The following MYO1E variants were observed in gnomAD, a reference collection of about 807,000 sequenced individuals.
MYO1E encodes myosin IE.
MYO1E carries 68 observed loss-of-function variants against 151.1 expected under a neutral mutation model. That is an observed-to-expected ratio of 0.45 (90% CI 0.37 to 0.55). The LOEUF is 0.55. MYO1E is among the 20% of genes least tolerant of loss of function. MYO1E has a pLI of 0.00. For synonymous variants in MYO1E, 601 were observed against 501.7 expected (o/e 1.20, Z -2.64); for missense variants, 1,363 against 1,389.3 (o/e 0.98, Z 0.30).
At chr15:59,292,646 G>A (rs1433659485) in intron 1 of MYO1E, among the ~76,000 whole-genome samples, 1 of 152,198 alleles carries the variant, frequency 6.6e-6, no homozygotes. Context: ...ATGCTTTCCA[G>A]AGCAGAGTTA....
intron 21 of MYO1E, among the ~76,000 whole-genome samples, 160 bp from the exon 22 acceptor site, chr15:59,172,202 C>T (rs556778180): frequency 6.6e-6 from 1 of 152,230 alleles, no homozygotes; most frequent in East Asian, 1.9e-4. Flanking sequence ...ACTGAAAATA[C>T]AAAAATTAGC....
chr15:59,306,403 A>G (rs568230449), intron 1 of MYO1E, among the ~76,000 whole-genome samples: 1 of 152,348 alleles, frequency 6.6e-6, no homozygotes, highest in Admixed American at 6.5e-5. Context: ...TGAAAGCATA[A>G]AAGATACTGA....
rs2080954453 is a variant in MYO1E at position 59,372,581 on chromosome 15, T to G, written c.-81A>C. The G allele has an allele frequency of 6.6e-7, 1 of 1,508,794 alleles. No individual in the cohort carries two copies. Among genetic ancestry groups the G allele is most frequent in the Non-Finnish European group, 8.9e-7 (1 of 1,125,060 alleles). 93.5% of individuals were successfully genotyped at this position (1,508,794 alleles called of 1,614,324 possible). A position where few individuals can be genotyped will look rare whatever the true frequency, so the allele number is the denominator to read the frequency against. ...CTGGAACGCAGTCTTCTGGGCGAACTTCAAAAGTTGGTTCCCCTCGCCAAA... is the reference window on the plus strand; with the variant it reads ...CTGGAACGCAGTCTTCTGGGCGAACGTCAAAAGTTGGTTCCCCTCGCCAAA... On this transcript the variant is annotated 5_prime_UTR_variant, in exon 1 of 28. Transcript: ENST00000288235.
chr15:59,306,917 G>A (rs1017818464), intron 1 of MYO1E, among the ~76,000 whole-genome samples: 11 of 152,170 alleles, frequency 7.2e-5, no homozygotes, highest in Non-Finnish European at 1.6e-4. Context: ...TCCCTGTTAT[G>A]AGCAGCGTTG....
intron 1 of MYO1E, among the ~76,000 whole-genome samples, chr15:59,317,069 T>C (rs1167872811): frequency 6.6e-6 from 1 of 152,210 alleles, no homozygotes; most frequent in African/African-American, 2.4e-5. Flanking sequence ...CACCTGATGT[T>C]TGTATATGCC....
chr15:59,278,497 A>C (rs1485021501), intron 1 of MYO1E, among the ~76,000 whole-genome samples: 1 of 151,350 alleles, frequency 6.6e-6, no homozygotes, highest in African/African-American at 2.5e-5. Context: ...CTTCCACTGC[A>C]AATGATGAAA....
At chr15:59,365,828 GC>G (rs1253919837) in intron 1 of MYO1E, among the ~76,000 whole-genome samples, 2 of 152,170 alleles carry the variant, frequency 1.3e-5, no homozygotes, top group South Asian at 2.1e-4. Context: ...CTTTAGTGGG[GC>G]TAATTGTTCC....
chr15:59,187,127 A>G (rs1371060575), intron 18 of MYO1E, among the ~76,000 whole-genome samples: 1 of 152,340 alleles, frequency 6.6e-6, no homozygotes, highest in Non-Finnish European at 1.5e-5. Flanking sequence ...CTGTGGCACA[A>G]TTATCAAGAA....
At chr15:59,203,691 G>C (rs75711599) in intron 15 of MYO1E, among the ~76,000 whole-genome samples, 3 of 152,132 alleles carry the variant, frequency 2.0e-5, no homozygotes, top group African/African-American at 7.2e-5. Context: ...ACTTTCATTA[G>C]TGGTGCTATT....
intron 23 of MYO1E, 103 bp from the exon 24 acceptor site, chr15:59,161,333 A>AC: frequency 7.6e-7 from 1 of 1,321,926 alleles, no homozygotes; most frequent in Non-Finnish European, 1.0e-6. Flanking sequence ...CATAAACATG[A>AC]GGCGAGAACG....
intron 1 of MYO1E, among the ~76,000 whole-genome samples, chr15:59,362,446 G>T (rs2080891043): frequency 6.6e-6 from 1 of 152,168 alleles, no homozygotes; most frequent in South Asian, 2.1e-4. Context: ...CAGGGAAAAG[G>T]TCAGTAGCTT....
At chr15:59,338,571 G>C (rs1567018926) in intron 1 of MYO1E, among the ~76,000 whole-genome samples, 1 of 152,180 alleles carries the variant, frequency 6.6e-6, no homozygotes, top group South Asian at 2.1e-4. Flanking sequence ...AGCCAGGACT[G>C]TCTCTATGGG....
chr15:59,190,662 G>A (rs2079727366), intron 17 of MYO1E, among the ~76,000 whole-genome samples: 1 of 152,180 alleles, frequency 6.6e-6, no homozygotes. Flanking sequence ...CAACTTCTCT[G>A]TGCCTCTCAG....
rs149174152 is a variant in MYO1E at position 59,236,559 on chromosome 15, A to G, written c.420+26T>C. 1,580 of 1,565,612 alleles carry G rather than the reference A, an allele frequency of 1.0e-3. 14 individuals carry two copies. The African/African-American group carries it at 0.019, about 19-fold the overall frequency. On this transcript the variant is annotated intron_variant, in intron 5 of 27. Coordinates refer to ENST00000288235, the MANE Select transcript of MYO1E (RefSeq NM_004998.4). ...TCTTACATTTCCCATAACATAAGGT[A>G]TCATAATGGGCCACTGCCCACTCAC...
intron 19 of MYO1E, among the ~76,000 whole-genome samples, chr15:59,174,952 C>T (rs1427967027): frequency 3.9e-5 from 6 of 152,068 alleles, no homozygotes; most frequent in East Asian, 1.9e-4. Context: ...CTGACAGCTG[C>T]GCCTCAACCA....
intron 4 of MYO1E, among the ~76,000 whole-genome samples, chr15:59,248,836 T>A (rs2080146841): frequency 6.6e-6 from 1 of 152,210 alleles, no homozygotes; most frequent in Non-Finnish European, 1.5e-5. Context: ...AATACGATCA[T>A]CCCTTCGCTC....
At chr15:59,199,247 C>T (rs370893961) in intron 16 of MYO1E, among the ~76,000 whole-genome samples, 1 of 152,106 alleles carries the variant, frequency 6.6e-6, no homozygotes, top group African/African-American at 2.4e-5. Context: ...CAGGCTCCTG[C>T]CACCATGCCC....
chr15:59,208,228 C>G, intron 14 of MYO1E: 1 of 759,232 alleles, frequency 1.3e-6, no homozygotes, highest in African/African-American at 1.8e-5. Context: ...TTTAGTCCTC[C>G]AGCTCTTTTA....
chr15:59,291,494 A>T (rs1326276400), intron 1 of MYO1E, among the ~76,000 whole-genome samples: 1 of 152,018 alleles, frequency 6.6e-6, no homozygotes, highest in Non-Finnish European at 1.5e-5. Context: ...AAACAAAAGC[A>T]CATTTCAATT....
Sources: allele counts gnomAD v4.1 joint callset (sites outside exome capture counted in the v4.1 genomes callset), GRCh38; gene constraint gnomAD v4.1.1; transcripts MANE v1.5; gene names NCBI Gene and HGNC (gene_info 2026-07-23, HGNC 2026-07-21).